Variants in GTF2IRD2B observed in about 807,000 individuals in gnomAD.
GTF2IRD2B encodes general transcription factor II-I repeat domain-containing protein 2B.
GTF2IRD2B carries 10 observed loss-of-function variants against 55.6 expected under a neutral mutation model. The ratio of observed to expected loss-of-function variants is 0.18; its 90% CI spans 0.11 to 0.31. The LOEUF (loss-of-function observed/expected upper bound fraction) is 0.31, where lower values mean the gene tolerates loss of function less well. Among genes scored for constraint, GTF2IRD2B ranks in the 10% least tolerant of loss-of-function variants. The pLI is 1.00. For synonymous variants in GTF2IRD2B, 107 were observed against 320.5 expected, an observed-to-expected ratio of 0.33 and a Z score of 7.12; for missense variants, 206 against 802.7, an observed-to-expected ratio of 0.26 and a Z score of 8.98.
intron 1 of GTF2IRD2B, 108 bp downstream of exon 1, chr7:75,092,873 C>A (rs1279854949): frequency 6.6e-6 from 1 of 152,648 alleles, no homozygotes; most frequent in African/African-American, 2.4e-5. Context: ...GCCGCCCGGC[C>A]GCAGCGGGAG....
chr7:75,102,179 T>A (rs1201746556), intron 1 of GTF2IRD2B, among the ~76,000 whole-genome samples: 1 of 150,978 alleles, frequency 6.6e-6, no homozygotes, highest in Admixed American at 6.6e-5. Context: ...ATTTTTGTAT[T>A]TTTAGTAGAG....
At chr7:75,133,619 T>G (rs1808735964) in intron 9 of GTF2IRD2B, among the ~76,000 whole-genome samples, 1 of 149,042 alleles carries the variant, frequency 6.7e-6, no homozygotes, top group Admixed American at 6.6e-5. Flanking sequence ...TTCCACTTAC[T>G]GCAAACTCTG....
At chr7:75,105,407 G>A (rs1242221062) in intron 1 of GTF2IRD2B, among the ~76,000 whole-genome samples, 2 of 152,296 alleles carry the variant, frequency 1.3e-5, no homozygotes, top group African/African-American at 4.8e-5. Context: ...GGGGGGTTGA[G>A]GCAGGAGAAT....
chr7:75,121,263 C>T (rs1808355438), intron 4 of GTF2IRD2B, among the ~76,000 whole-genome samples: 2 of 151,288 alleles, frequency 1.3e-5, no homozygotes, highest in African/African-American at 2.4e-5. Flanking sequence ...TCTCAAACTC[C>T]TCACCTTGTG....
In GTF2IRD2B at chr7:75,119,191, C is replaced by CAAAAAAAAAAAAAAA; in HGVS notation, c.239-1674_239-1660dup. ...CTTAGGCGACAGAGTAAGACTCTCT[C>CAAAAAAAAAAAAAAA]AAAAAAAAAAAAAAAAAAAAAAAAA... is the stretch of plus-strand genomic sequence containing the variant. On this transcript the variant is annotated intron_variant, in intron 3 of 15. Transcript: ENST00000472837. 1.8e-3 allele frequency among the ~76,000 whole-genome samples: 9 copies of CAAAAAAAAAAAAAAA among 5,128 alleles called. 4 individuals are homozygous for CAAAAAAAAAAAAAAA. The highest frequency in any genetic ancestry group is 6.0e-3 in the African/African-American group (4 of 670). 3.4% of individuals were successfully genotyped at this position (5,128 alleles called of 152,430 possible).
At chr7:75,127,219 C>G (rs1310498084) in intron 8 of GTF2IRD2B, among the ~76,000 whole-genome samples, 4 of 151,348 alleles carry the variant, frequency 2.6e-5, no homozygotes, top group Non-Finnish European at 5.9e-5. Flanking sequence ...GGGCTCACGA[C>G]TGTAACTCCA....
At position 75,148,130 on chromosome 7, in the gene GTF2IRD2B, C is replaced by G; in HGVS notation, c.1683C>G (p.Thr561=). The G allele has an allele frequency of 6.2e-7, 1 of 1,612,706 alleles. No homozygotes were observed. Among genetic ancestry groups the G allele is most frequent in the East Asian group, 2.2e-5 (1 of 44,822 alleles). Residue 561 remains threonine, a synonymous_variant, in exon 16 of 16, where the codon ACC becomes ACG. Coordinates refer to ENST00000472837, the MANE Select transcript of GTF2IRD2B (RefSeq NM_001003795.3). ...AGATCACGGATATAAATAATACCAC[C>G]CAGTTGGCCATATTCATCCGTGGTG... is the stretch of plus-strand genomic sequence containing the variant. ...IDEITDINNT[T]QLAIFIRGVD...
At chr7:75,104,699 G>A (rs1190333532) in intron 1 of GTF2IRD2B, among the ~76,000 whole-genome samples, 18 of 152,256 alleles carry the variant, frequency 1.2e-4, no homozygotes, top group African/African-American at 2.9e-4. Context: ...AACTTAACAC[G>A]TCTTTGCCGT....
chr7:75,107,029 T>A (rs1260673103), intron 1 of GTF2IRD2B, among the ~76,000 whole-genome samples: 1 of 151,614 alleles, frequency 6.6e-6, no homozygotes, highest in East Asian at 1.9e-4. Flanking sequence ...AAAGAAGGAA[T>A]TTTCTCTTCC....
At chr7:75,103,923 T>A (rs1221640637) in intron 1 of GTF2IRD2B, among the ~76,000 whole-genome samples, 3 of 148,070 alleles carry the variant, frequency 2.0e-5, no homozygotes, top group Non-Finnish European at 4.5e-5. Context: ...TCCCAGCTAC[T>A]CGGGAGGCTG....
intron 8 of GTF2IRD2B, among the ~76,000 whole-genome samples, chr7:75,130,442 G>A (rs1808637012): frequency 8.0e-6 from 1 of 125,726 alleles, no homozygotes; most frequent in South Asian, 2.6e-4. Context: ...GCCTCCCAAA[G>A]TGCTAGGATT....
At chr7:75,130,326 C>T (rs1446822476) in intron 8 of GTF2IRD2B, among the ~76,000 whole-genome samples, 3 of 48,038 alleles carry the variant, frequency 6.2e-5, no homozygotes, top group African/African-American at 7.1e-5. Context: ...CATAGGTGCA[C>T]GCCGTCACAC....
intron 8 of GTF2IRD2B, among the ~76,000 whole-genome samples, chr7:75,132,800 G>GC (rs1471170387): frequency 2.7e-5 from 4 of 148,902 alleles, no homozygotes; most frequent in African/African-American, 1.0e-4. Flanking sequence ...TGATCTGCCC[G>GC]CCTCAGCCTT....
intron 1 of GTF2IRD2B, among the ~76,000 whole-genome samples, chr7:75,102,253 G>A (rs1435826390): frequency 2.0e-5 from 3 of 151,210 alleles, no homozygotes; most frequent in Non-Finnish European, 3.0e-5. Flanking sequence ...CGTCCGCCTC[G>A]GCCTCCCAAA....
chr7:75,127,033 C>G (rs868938509), intron 8 of GTF2IRD2B, among the ~76,000 whole-genome samples: 1 of 142,828 alleles, frequency 7.0e-6, no homozygotes, highest in South Asian at 2.2e-4. Flanking sequence ...ACAAAAAAAA[C>G]AAAAAAAAGA....
intron 8 of GTF2IRD2B, among the ~76,000 whole-genome samples, chr7:75,126,812 C>T (rs1347239865): frequency 2.0e-5 from 3 of 150,490 alleles, no homozygotes; most frequent in South Asian, 2.1e-4. Context: ...TCCTGGCCAA[C>T]GTAGTAAAAC....
chr7:75,102,269 G>C (rs1288960668), intron 1 of GTF2IRD2B, among the ~76,000 whole-genome samples: 4 of 151,452 alleles, frequency 2.6e-5, no homozygotes, highest in African/African-American at 9.7e-5. Context: ...CCAAAGTGCT[G>C]GGATTACAGG....
chr7:75,127,191 A>G, intron 8 of GTF2IRD2B, among the ~76,000 whole-genome samples: 1 of 151,378 alleles, frequency 6.6e-6, no homozygotes, highest in Non-Finnish European at 1.5e-5. Context: ...CTAGAAAACA[A>G]GCCTTGGCAG....
At chr7:75,105,384 A>T (rs1392315113) in intron 1 of GTF2IRD2B, among the ~76,000 whole-genome samples, 2 of 152,304 alleles carry the variant, frequency 1.3e-5, no homozygotes, top group Non-Finnish European at 2.9e-5. Context: ...CACGCCTGCA[A>T]TCCCAACTAC....
Sources: gnomAD v4.1 joint callset for allele counts (sites outside exome capture counted in the v4.1 genomes callset) on GRCh38, gnomAD v4.1.1 for gene constraint, MANE v1.5 for transcripts, NCBI Gene and HGNC (gene_info 2026-07-23, HGNC 2026-07-21) for gene names.